NDST1: variants seen among roughly 807,000 people sequenced by gnomAD.
The protein encoded by NDST1 is N-deacetylase and N-sulfotransferase 1.
NDST1 carries 35 observed loss-of-function variants against 92.8 expected under a neutral mutation model. The ratio of observed to expected loss-of-function variants is 0.38; its 90% CI spans 0.29 to 0.50. The LOEUF (loss-of-function observed/expected upper bound fraction) is 0.50. Among genes scored for constraint, NDST1 ranks in the 20% least tolerant of loss-of-function variants. The pLI is 0.94. For synonymous variants in NDST1, 493 were observed against 500.3 expected, an observed-to-expected ratio of 0.99 and a Z score of 0.19; for missense variants, 822 against 1,182.7, an observed-to-expected ratio of 0.69 and a Z score of 4.47.
At position 150,554,255 on chromosome 5, in the gene NDST1, GA is replaced by G. The variant is rs1755823717; in HGVS notation, c.*925del. ...ACCCCCTTAACCTCCCAAATACTAA[GA>G]AGCTAAAATATTTTAATATTTTGTT... On this transcript the variant is annotated 3_prime_UTR_variant, in exon 15 of 15. Coordinates refer to ENST00000261797, the MANE Select transcript of NDST1 (RefSeq NM_001543.5). The G allele has an allele frequency of 2.6e-6, 1 of 381,292 alleles. No individual in the cohort carries two copies. Among genetic ancestry groups the G allele is most frequent in the African/African-American group, 2.1e-5 (1 of 47,712 alleles). The allele number at this position is 381,292 out of a possible 1,614,324, so 23.6% of individuals were successfully genotyped here.
At chr5:150,509,179 G>T (rs1753602753) in intron 1 of NDST1, among the ~76,000 whole-genome samples, 1 of 152,210 alleles carries the variant, frequency 6.6e-6, no homozygotes, top group South Asian at 2.1e-4. Context: ...GTCTGCCTGT[G>T]CCTTGGAATC....
chr5:150,532,996 T>G lies in NDST1; in HGVS notation c.1060T>G (p.Phe354Val). The change falls in exon 4 of 15, where the codon TTC becomes GTC. Residue 354 changes from phenylalanine to valine, a missense_variant. By Grantham distance (50) the Phe-to-Val change is conservative. Transcript: ENST00000261797. ...ELRAHIPNFT[F>V]NLGYSGKFFH... Reference sequence around the variant, plus strand: ...ACGCGCACACATCCCAAACTTCACCTTCAACCTGGGCTACTCAGGGAAATT... The same window carrying G: ...ACGCGCACACATCCCAAACTTCACCGTCAACCTGGGCTACTCAGGGAAATT... The G allele has an allele frequency of 6.2e-7, 1 of 1,614,216 alleles. No individual in the cohort carries two copies. Among genetic ancestry groups the G allele is most frequent in the Non-Finnish European group, 8.5e-7 (1 of 1,180,036 alleles).
Position 150,528,297 on chromosome 5 carries a change from A to G in NDST1, c.1007A>G (p.Lys336Arg). Reference sequence around the variant, plus strand: ...ACACGCATGAAGGTGGAGGACGTGAAGGTATGGCCGGGGGTGCTAGACCGG... The same window carrying G: ...ACACGCATGAAGGTGGAGGACGTGAGGGTATGGCCGGGGGTGCTAGACCGG... ...EGTRMKVEDV[K>R]ALFDTQNELR... The change falls in exon 3 of 15, where the codon AAG becomes AGG. Residue 336 changes from lysine to arginine, a missense_variant and splice_region_variant. Coordinates refer to ENST00000261797, the MANE Select transcript of NDST1 (RefSeq NM_001543.5). 6.3e-7 allele frequency: 1 copy of G among 1,590,628 alleles called. No individual in the cohort carries two copies. Among genetic ancestry groups the G allele is most frequent in the Non-Finnish European group, 8.6e-7 (1 of 1,163,872 alleles).
At chr5:150,503,518 G>A (rs1034424043), upstream of NDST1, among the ~76,000 whole-genome samples, 1 of 152,144 alleles carries the variant, frequency 6.6e-6, no homozygotes, top group Admixed American at 6.5e-5. Context: ...GTAAACCAAG[G>A]CCTCTGCTCA....
rs547024958 is a variant in NDST1 at position 150,540,686 on chromosome 5, C to T, written c.1749+422C>T. On this transcript the variant is annotated intron_variant, in intron 8 of 14. Transcript: ENST00000261797. ...CAAAAATTAGCCGGGCATGATGGTG[C>T]GCATCTATAGTCCCAGCTACTCGTG... Among the ~76,000 whole-genome samples, 28 of 152,132 alleles carry T rather than the reference C, an allele frequency of 1.8e-4. 1 individual carries two copies. Among genetic ancestry groups the T allele is most frequent in the East Asian group, 7.7e-4 (4 of 5,182 alleles).
Position 150,553,166 on chromosome 5 carries a change from C to A in NDST1, c.2530-47C>A. On this transcript the variant is annotated intron_variant, in intron 14 of 14. Transcript: ENST00000261797. This position sits in a 1 kb window ranked among gnomAD's most constrained non-coding sequence, Gnocchi z 4.2. ...GAGCATGGCGATTTTTAGAGGAGGT[C>A]ACTCTTAAGTCAGTACACAAGGTCT... 4 of 1,600,424 alleles carry A rather than the reference C, an allele frequency of 2.5e-6. No homozygotes were observed. Among genetic ancestry groups the A allele is most frequent in the South Asian group, 1.1e-5 (1 of 90,636 alleles).
intron 1 of NDST1, among the ~76,000 whole-genome samples, chr5:150,499,714 C>T (rs1044153944): frequency 1.3e-5 from 2 of 152,212 alleles, no homozygotes; most frequent in Admixed American, 6.5e-5. Flanking sequence ...GCTCTGCCTG[C>T]GTAGCCACTG....
intron 6 of NDST1, among the ~76,000 whole-genome samples, chr5:150,538,200 G>A (rs922369939): frequency 2.5e-4 from 38 of 152,254 alleles, no homozygotes; most frequent in African/African-American, 9.2e-4. Context: ...ATGGCTGGAG[G>A]GGAGTGAGGG....
At chr5:150,519,465 T>C (rs1203846769) in intron 1 of NDST1, among the ~76,000 whole-genome samples, 1 of 152,140 alleles carries the variant, frequency 6.6e-6, no homozygotes, top group East Asian at 1.9e-4. Flanking sequence ...CCCAGCACTT[T>C]GGGAGGCCAA....
At chr5:150,526,364 A>G (rs980599603) in intron 2 of NDST1, among the ~76,000 whole-genome samples, 1 of 152,050 alleles carries the variant, frequency 6.6e-6, no homozygotes, top group African/African-American at 2.4e-5. Context: ...TGTTTTTCTC[A>G]CTGTATCACT....
At chr5:150,509,776 T>G (rs1753634621) in intron 1 of NDST1, among the ~76,000 whole-genome samples, 1 of 152,240 alleles carries the variant, frequency 6.6e-6, no homozygotes, top group South Asian at 2.1e-4. Context: ...CCCAAAGTGC[T>G]GGGATTACAG....
chr5:150,525,838 C>T (rs995902278), intron 2 of NDST1, among the ~76,000 whole-genome samples: 1 of 152,320 alleles, frequency 6.6e-6, no homozygotes, highest in Middle Eastern at 3.4e-3. Flanking sequence ...CCATCTCCCC[C>T]TCCAAACTCA....
At chr5:150,546,737 C>A (rs1755502993) in intron 11 of NDST1, among the ~76,000 whole-genome samples, 1 of 152,284 alleles carries the variant, frequency 6.6e-6, no homozygotes, top group Non-Finnish European at 1.5e-5. Flanking sequence ...GCAGGGCTGG[C>A]ACCTGCCTCC....
chr5:150,515,287 C>T (rs1753907548), intron 1 of NDST1, among the ~76,000 whole-genome samples: 1 of 152,210 alleles, frequency 6.6e-6, no homozygotes. Flanking sequence ...CCAGAACTTG[C>T]CCTCTTTAGA....
At position 150,557,937 on chromosome 5, in the gene NDST1, A is replaced by G. The variant is rs1367396519; in HGVS notation, c.*4605A>G. The G allele has an allele frequency of 6.6e-6, 1 of 152,058 alleles. No homozygotes were observed. Among genetic ancestry groups the G allele is most frequent in the Non-Finnish European group, 1.5e-5 (1 of 67,914 alleles). The allele number at this position is 152,058 out of a possible 1,614,324, so 9.4% of individuals were successfully genotyped here. A position where few individuals can be genotyped will look rare whatever the true frequency, so the allele number is the denominator to read the frequency against. On this transcript the variant is annotated 3_prime_UTR_variant, in exon 15 of 15. Coordinates refer to ENST00000261797, the MANE Select transcript of NDST1 (RefSeq NM_001543.5). This position sits in a 1 kb window ranked among gnomAD's most constrained non-coding sequence, Gnocchi z 4.7. ...TATGACTGTGTTAGCTTTTATTATTAGCAAGAGGGCTCCTTTTGTAATTTG... is the reference window on the plus strand; with the variant it reads ...TATGACTGTGTTAGCTTTTATTATTGGCAAGAGGGCTCCTTTTGTAATTTG...
At chr5:150,551,959 A>C in intron 14 of NDST1, 104 bp downstream of exon 14, 1 of 1,523,484 alleles carries the variant, frequency 6.6e-7, no homozygotes, top group East Asian at 2.4e-5. Flanking sequence ...CAGCATGTTC[A>C]TGGCCTTAGC....
At position 150,513,257 on chromosome 5, in the gene NDST1, G is replaced by A. The variant is rs542703874; in HGVS notation, c.-388+5031G>A. Among the ~76,000 whole-genome samples the A allele has an allele frequency of 2.2e-3, 337 of 152,116 alleles. 2 individuals carry two copies. Among genetic ancestry groups the A allele is most frequent in the Non-Finnish European group, 3.2e-3 (220 of 67,998 alleles). ...TATAATCCCAGCACTTTGGGAGGCC[G>A]AGGCAGGTGGATCACTTGAGGTCAG... On this transcript the variant is annotated intron_variant, in intron 1 of 14. Transcript: ENST00000261797.
chr5:150,505,389 A>G (rs1053227430), upstream of NDST1, among the ~76,000 whole-genome samples: 1 of 152,192 alleles, frequency 6.6e-6, no homozygotes, highest in Non-Finnish European at 1.5e-5. Flanking sequence ...ATGCCATGGA[A>G]TGTGGGGATT....
intron 1 of NDST1, among the ~76,000 whole-genome samples, chr5:150,512,869 A>G (rs1753787322): frequency 6.6e-6 from 1 of 152,210 alleles, no homozygotes; most frequent in Non-Finnish European, 1.5e-5. Flanking sequence ...AGATTTGCTC[A>G]AAGGTCATGA....
Sources: gnomAD v4.1 joint callset for allele counts (sites outside exome capture counted in the v4.1 genomes callset) on GRCh38, gnomAD v4.1.1 for gene constraint, Gnocchi (gnomAD v3.1) non-coding constraint, MANE v1.5 for transcripts, NCBI Gene and HGNC (gene_info 2026-07-23, HGNC 2026-07-21) for gene names.